CACHD1: variants seen among roughly 807,000 people sequenced by gnomAD.
The protein encoded by CACHD1 is VWFA and cache domain-containing protein 1.
Under a neutral mutation model 138.7 loss-of-function variants are expected in CACHD1, and 71 were observed. The ratio of observed to expected loss-of-function variants is 0.51; its 90% confidence interval spans 0.42 to 0.62. CACHD1 has a LOEUF of 0.62. Among genes scored for constraint, CACHD1 ranks in the 20% least tolerant of loss-of-function variants. The pLI is 0.00. For synonymous variants in CACHD1, 578 were observed against 591.5 expected (o/e 0.98, Z 0.33); for missense variants, 1,389 against 1,625.3 (o/e 0.85, Z 2.50).
intron 3 of CACHD1, among the ~76,000 whole-genome samples, chr1:64,591,669 T>A (rs1413801241): frequency 1.3e-5 from 2 of 152,198 alleles, no homozygotes; most frequent in Non-Finnish European, 2.9e-5. Context: ...GAATTCCACT[T>A]CTTAATCATG....
intron 1 of CACHD1, among the ~76,000 whole-genome samples, chr1:64,531,781 CG>C: frequency 6.6e-6 from 1 of 152,228 alleles, no homozygotes; most frequent in East Asian, 1.9e-4. Context: ...TATACACTGA[CG>C]GGTTTGGTTG....
intron 3 of CACHD1, among the ~76,000 whole-genome samples, chr1:64,594,561 G>A (rs1483420237): frequency 5.9e-5 from 9 of 152,186 alleles, no homozygotes; most frequent in Admixed American, 3.3e-4. Context: ...GTCTTGATGA[G>A]TACCCTTATA....
At chr1:64,556,811 TA>T (rs1015681334) in intron 2 of CACHD1, among the ~76,000 whole-genome samples, 6 of 152,152 alleles carry the variant, frequency 3.9e-5, no homozygotes, top group Non-Finnish European at 8.8e-5. Context: ...TTGGAAAAAT[TA>T]AAATTCCACG....
At chr1:64,629,511 A>G in intron 5 of CACHD1, 30 bp downstream of exon 5, 1 of 1,609,548 alleles carries the variant, frequency 6.2e-7, no homozygotes, top group Non-Finnish European at 8.5e-7. Context: ...AAAGTTTTTA[A>G]TTATTGCTTA....
chr1:64,689,805 A>G (rs1343621138), intron 26 of CACHD1, among the ~76,000 whole-genome samples: 1 of 152,076 alleles, frequency 6.6e-6, no homozygotes, highest in Non-Finnish European at 1.5e-5. Flanking sequence ...ACTCCTACTC[A>G]TCCACTTAAG....
At chr1:64,567,966 G>A (rs1160310954) in intron 2 of CACHD1, among the ~76,000 whole-genome samples, 1 of 152,090 alleles carries the variant, frequency 6.6e-6, no homozygotes, top group Non-Finnish European at 1.5e-5. Flanking sequence ...GGATATAACT[G>A]GAGCCTTAGG....
intron 1 of CACHD1, among the ~76,000 whole-genome samples, chr1:64,507,097 C>T (rs561774694): frequency 6.6e-6 from 1 of 152,320 alleles, no homozygotes; most frequent in South Asian, 2.1e-4. Context: ...GTTCATGACT[C>T]GTAAATTAGT....
intron 3 of CACHD1, among the ~76,000 whole-genome samples, chr1:64,590,621 A>G (rs1647091621): frequency 6.6e-6 from 1 of 152,204 alleles, no homozygotes; most frequent in East Asian, 1.9e-4. Flanking sequence ...TTTAAAAGAT[A>G]CAATTTCCAT....
intron 2 of CACHD1, among the ~76,000 whole-genome samples, chr1:64,579,311 G>T (rs543865632): frequency 1.5e-4 from 23 of 152,288 alleles, no homozygotes; most frequent in African/African-American, 4.3e-4. Flanking sequence ...CTTGAGTTTA[G>T]CTAGATCTGA....
intron 4 of CACHD1, among the ~76,000 whole-genome samples, chr1:64,622,772 T>C (rs955831583): frequency 2.0e-5 from 3 of 152,226 alleles, no homozygotes; most frequent in African/African-American, 7.2e-5. Flanking sequence ...CATAAGGTAA[T>C]TGTGAAAAGT....
intron 3 of CACHD1, among the ~76,000 whole-genome samples, chr1:64,585,894 C>T (rs535624262): frequency 3.3e-4 from 50 of 152,112 alleles, no homozygotes; most frequent in Non-Finnish European, 5.6e-4. Flanking sequence ...TACAGGAACT[C>T]CTCAGTTTTT....
intron 1 of CACHD1, among the ~76,000 whole-genome samples, chr1:64,494,140 C>G (rs1189862970): frequency 6.6e-6 from 1 of 152,194 alleles, no homozygotes; most frequent in Non-Finnish European, 1.5e-5. Context: ...CAGCTGGGGA[C>G]TTTGCATTTG....
At chr1:64,583,357 A>G (rs529266057) in intron 3 of CACHD1, among the ~76,000 whole-genome samples, 1 of 152,294 alleles carries the variant, frequency 6.6e-6, no homozygotes, top group Admixed American at 6.5e-5. Flanking sequence ...ATTTGGAATG[A>G]GACTGTCTGG....
intron 1 of CACHD1, among the ~76,000 whole-genome samples, chr1:64,491,440 G>A (rs6682347): frequency 0.05 from 7,543 of 152,162 alleles, 371 homozygotes; most frequent in African/African-American, 0.12. Context: ...GGGAAGCAAG[G>A]CATGCCTTAT....
At chr1:64,674,968 G>T (rs540833025) in intron 19 of CACHD1, among the ~76,000 whole-genome samples, 106 of 152,238 alleles carry the variant, frequency 7.0e-4, no homozygotes, top group East Asian at 2.9e-3. Context: ...AAGGAAAAAG[G>T]TTCATCACCC....
chr1:64,644,313 G>C (rs773824002), intron 8 of CACHD1, among the ~76,000 whole-genome samples: 2 of 152,348 alleles, frequency 1.3e-5, no homozygotes, highest in East Asian at 1.9e-4. Context: ...ACAACACAGG[G>C]TACTGAGGTT....
intron 16 of CACHD1, among the ~76,000 whole-genome samples, chr1:64,667,051 A>G (rs1649659596): frequency 1.3e-5 from 2 of 152,166 alleles, no homozygotes; most frequent in Non-Finnish European, 2.9e-5. Flanking sequence ...TGCTATATCA[A>G]TATCACTGGA....
chr1:64,500,105 T>A (rs1446394409), intron 1 of CACHD1, among the ~76,000 whole-genome samples: 4 of 152,232 alleles, frequency 2.6e-5, no homozygotes, highest in Non-Finnish European at 5.9e-5. Context: ...CGTTAAGATT[T>A]GCCTCAAGAG....
chr1:64,576,761 A>G (rs1646971091), intron 2 of CACHD1, among the ~76,000 whole-genome samples: 1 of 152,250 alleles, frequency 6.6e-6, no homozygotes, highest in South Asian at 2.1e-4. Context: ...AATTCTGAAG[A>G]AAAGGAACAA....
Sources: gnomAD v4.1 joint callset for allele counts (sites outside exome capture counted in the v4.1 genomes callset) on GRCh38, gnomAD v4.1.1 for gene constraint, MANE v1.5 for transcripts, NCBI Gene and HGNC (gene_info 2026-07-23, HGNC 2026-07-21) for gene names.